VIL1: variants seen among roughly 807,000 people sequenced by gnomAD.
The protein encoded by VIL1 is villin 1.
Under a neutral mutation model 104.0 loss-of-function variants are expected in VIL1, and 86 were observed. The ratio of observed to expected loss-of-function variants is 0.83; its 90% CI spans 0.69 to 0.99. The LOEUF is 0.99. VIL1 is among the 50% of genes least tolerant of loss of function. The pLI is 0.00. For missense variants in VIL1, 944 were observed against 1,054.1 expected, an observed-to-expected ratio of 0.90 and a Z score of 1.45; for synonymous variants, 394 against 412.6, an observed-to-expected ratio of 0.95 and a Z score of 0.55.
rs1189778458 is a variant in VIL1 at position 218,432,854 on chromosome 2, A to G, written c.1403A>G (p.Gln468Arg). The G allele has an allele frequency of 1.2e-6, 2 of 1,614,258 alleles. No homozygotes were observed. Among genetic ancestry groups the G allele is most frequent in the South Asian group, 1.1e-5 (1 of 91,082 alleles). Reference protein sequence around the residue: ...ASAYQAVILDQKYNGEPVQIR... With the variant: ...ASAYQAVILDRKYNGEPVQIR... ...GCTTATCAAGCCGTCATCCTGGACC[A>G]GAAGTACAATGGTGAACCAGTCCAG... Residue 468 changes from glutamine (Q) to arginine (R), a missense_variant, in exon 13 of 20, where the codon CAG becomes CGG. Physicochemically the swap from Gln to Arg is conservative, Grantham distance 43. Transcript: ENST00000248444.
At chr2:218,419,391 T>A (rs1392284728) in intron 1 of VIL1, among the ~76,000 whole-genome samples, 1 of 152,088 alleles carries the variant, frequency 6.6e-6, no homozygotes, top group Non-Finnish European at 1.5e-5. Flanking sequence ...AATGGCTCTC[T>A]CAGTCTCCTA....
intron 2 of VIL1, 75 bp downstream of exon 2, chr2:218,423,928 G>A (rs965254788): frequency 3.6e-5 from 56 of 1,553,860 alleles, no homozygotes; most frequent in Middle Eastern, 1.7e-4. Context: ...GGAGGCCTGG[G>A]ATTTCTCTTC....
intron 1 of VIL1, among the ~76,000 whole-genome samples, chr2:218,420,397 C>T (rs561128459): frequency 3.6e-4 from 50 of 140,234 alleles, no homozygotes; most frequent in African/African-American, 1.2e-3. Context: ...CCATTGCACT[C>T]CAGCCTGGGT....
chr2:218,432,487 G>A, intron 12 of VIL1: 2 of 689,386 alleles, frequency 2.9e-6, no homozygotes, highest in Non-Finnish European at 5.3e-6. Flanking sequence ...ACTGAGTGGT[G>A]TGGTGCCTGT....
intron 17 of VIL1, among the ~76,000 whole-genome samples, chr2:218,438,181 C>CATTA: frequency 6.6e-6 from 1 of 152,250 alleles, no homozygotes; most frequent in East Asian, 1.9e-4. Context: ...TTCATTCATT[C>CATTA]ATTCATTCAG....
At chr2:218,425,943 T>G (rs1574812398) in intron 4 of VIL1, 132 bp downstream of exon 4, 98 of 903,888 alleles carry the variant, frequency 1.1e-4, no homozygotes, top group South Asian at 2.3e-4. Context: ...CAGGGGGAGG[T>G]GACCTGGGGC....
At chr2:218,427,410 C>T (rs556084724) in intron 4 of VIL1, among the ~76,000 whole-genome samples, 1 of 151,584 alleles carries the variant, frequency 6.6e-6, no homozygotes, top group South Asian at 2.1e-4. Flanking sequence ...TGCAAACCTC[C>T]GCCTCCTGGG....
intron 10 of VIL1, 109 bp from the exon 11 acceptor site, chr2:218,431,748 T>C: frequency 1.1e-6 from 1 of 920,208 alleles, no homozygotes; most frequent in Non-Finnish European, 1.7e-6. Context: ...TGCCTCGGTT[T>C]CCTCATCTGA....
At position 218,429,265 on chromosome 2, in the gene VIL1, C is replaced by T; in HGVS notation, c.568-20C>T. 3 of 1,601,778 alleles carry T rather than the reference C, an allele frequency of 1.9e-6. No homozygotes were observed. Among genetic ancestry groups the T allele is most frequent in the Non-Finnish European group, 2.6e-6 (3 of 1,172,594 alleles). On this transcript the variant is annotated intron_variant, in intron 6 of 19. Transcript: ENST00000248444. ...CATTCCCCGACTACTCCCGATGGGT[C>T]ACCAGGGGCCTTCCTGCAGGGCATG...
intron 1 of VIL1, among the ~76,000 whole-genome samples, chr2:218,420,875 A>G (rs1270100377): frequency 6.6e-6 from 1 of 152,094 alleles, no homozygotes; most frequent in Non-Finnish European, 1.5e-5. Flanking sequence ...GTGAGCCACC[A>G]CGCCCAGCCC....
intron 17 of VIL1, 39 bp from the exon 18 acceptor site, chr2:218,438,619 T>G: frequency 6.3e-7 from 1 of 1,584,304 alleles, no homozygotes; most frequent in African/African-American, 1.3e-5. Flanking sequence ...TCTCCTCTGC[T>G]GAGATCCAGG....
chr2:218,444,534 T>TC (rs1333846550), intron 19 of VIL1, among the ~76,000 whole-genome samples: 3 of 152,216 alleles, frequency 2.0e-5, no homozygotes, highest in African/African-American at 7.2e-5. Flanking sequence ...CGCCTTGGCC[T>TC]CCCAAAGTGC....
chr2:218,420,904 C>G (rs1688892236), intron 1 of VIL1, among the ~76,000 whole-genome samples: 2 of 152,226 alleles, frequency 1.3e-5, no homozygotes, highest in South Asian at 4.1e-4. Context: ...TTGTTGAGCA[C>G]CTACTATGTG....
intron 16 of VIL1, 119 bp downstream of exon 16, chr2:218,436,745 C>T (rs917547104): frequency 1.3e-5 from 17 of 1,311,424 alleles, no homozygotes; most frequent in Non-Finnish European, 1.8e-5. Context: ...TAATTTCTCC[C>T]TGGAAATGGT....
intron 12 of VIL1, 158 bp from the exon 13 acceptor site, chr2:218,432,635 G>T: frequency 9.9e-7 from 1 of 1,011,412 alleles, no homozygotes; most frequent in Non-Finnish European, 1.5e-6. Context: ...GTATGGTTCA[G>T]ATTGGGGTTT....
intron 1 of VIL1, among the ~76,000 whole-genome samples, chr2:218,419,631 C>A (rs1042386806): frequency 6.6e-6 from 1 of 152,204 alleles, no homozygotes; most frequent in African/African-American, 2.4e-5. Flanking sequence ...CCGGGTCCTG[C>A]CTCCTGGCTC....
Position 218,436,532 on chromosome 2 carries a change from A to T in VIL1, c.1877A>T (p.Asn626Ile), listed in dbSNP as rs1461651421. The change falls in exon 16 of 20, where the codon AAC (asparagine) becomes ATC (isoleucine). Residue 626 changes from asparagine to isoleucine, a missense_variant. Physicochemically the swap from Asn to Ile is moderately radical, Grantham distance 149. Transcript: ENST00000248444. ...VITPRLFECSNKTGRFLATEI... is the reference protein window; with the variant it reads ...VITPRLFECSIKTGRFLATEI... ...ACCCCCCGGCTCTTTGAGTGTTCCA[A>T]CAAGACTGGGCGCTTCCTGGCCACA... is the stretch of plus-strand genomic sequence containing the variant. 1 of 1,613,994 alleles carries T rather than the reference A, an allele frequency of 6.2e-7. No individual in the cohort carries two copies. The highest frequency in any genetic ancestry group is 8.5e-7 in the Non-Finnish European group (1 of 1,180,002).
chr2:218,421,796 A>G (rs1346026991), intron 1 of VIL1, among the ~76,000 whole-genome samples: 1 of 152,092 alleles, frequency 6.6e-6, no homozygotes, highest in Non-Finnish European at 1.5e-5. Context: ...GTGCCTGCTC[A>G]TGTCCACCCT....
rs1574822731 is a variant in VIL1 at position 218,449,410 on chromosome 2, T to C, written c.*74T>C. ...CTCATTTTCTCACCGATATTAGTCCTACACCAATTGAAGTGAAATTTTGCA... is the reference window on the plus strand; with the variant it reads ...CTCATTTTCTCACCGATATTAGTCCCACACCAATTGAAGTGAAATTTTGCA... On this transcript the variant is annotated 3_prime_UTR_variant, in exon 20 of 20. Transcript: ENST00000248444. 1.6e-6 allele frequency: 2 copies of C among 1,263,558 alleles called. No individual in the cohort carries two copies. Among genetic ancestry groups the C allele is most frequent in the South Asian group, 2.4e-5 (2 of 82,864 alleles). The allele number at this position is 1,263,558 out of a possible 1,614,324, so 78.3% of individuals were successfully genotyped here.
Sources: allele counts gnomAD v4.1 joint callset (sites outside exome capture counted in the v4.1 genomes callset), GRCh38; gene constraint gnomAD v4.1.1; transcripts MANE v1.5; gene names NCBI Gene and HGNC (gene_info 2026-07-23, HGNC 2026-07-21).